Variants in LRBA observed in about 807,000 individuals in gnomAD.
LRBA encodes lipopolysaccharide-responsive and beige-like anchor protein.
Under a neutral mutation model 330.0 loss-of-function variants are expected in LRBA, and 176 were observed. That is an observed-to-expected ratio of 0.53 (90% CI 0.47 to 0.60). The LOEUF is 0.60. Among genes scored for constraint, LRBA ranks in the 20% least tolerant of loss-of-function variants. LRBA has a pLI of 0.00. For missense variants in LRBA, 3,259 were observed against 3,444.8 expected, an observed-to-expected ratio of 0.95 and a Z score of 1.35; for synonymous variants, 1,230 against 1,193.0, an observed-to-expected ratio of 1.03 and a Z score of -0.64.
intron 42 of LRBA, among the ~76,000 whole-genome samples, chr4:150,472,567 C>T (rs569236048): frequency 3.3e-5 from 5 of 152,222 alleles, no homozygotes; most frequent in South Asian, 2.1e-4. Flanking sequence ...CATCTCTTCT[C>T]GGCCTTTTGG....
intron 44 of LRBA, among the ~76,000 whole-genome samples, chr4:150,464,243 C>T (rs1755154863): frequency 6.6e-6 from 1 of 151,974 alleles, no homozygotes; most frequent in African/African-American, 2.4e-5. Flanking sequence ...ACTTCTAGGA[C>T]CCTAGAACAC....
At chr4:150,452,870 G>A (rs1486079887) in intron 44 of LRBA, among the ~76,000 whole-genome samples, 78 of 152,118 alleles carry the variant, frequency 5.1e-4, no homozygotes, top group Non-Finnish European at 5.9e-5. Context: ...TAGCAAGGAT[G>A]CAGAATACAA....
chr4:150,711,693 A>T (rs1279292375), intron 36 of LRBA, among the ~76,000 whole-genome samples: 1 of 152,236 alleles, frequency 6.6e-6, no homozygotes, highest in Admixed American at 6.5e-5. Context: ...AATAACTATT[A>T]AAAAACCCAT....
Position 150,384,164 on chromosome 4 carries a change from G to C in LRBA, c.7194+31274C>G, listed in dbSNP as rs1015002782. Among the ~76,000 whole-genome samples, 5 of 151,672 alleles carry C rather than the reference G, an allele frequency of 3.3e-5. No homozygotes were observed. The South Asian group carries it at 8.3e-4, about 25-fold the overall frequency. On this transcript the variant is annotated intron_variant, in intron 47 of 56. Transcript: ENST00000651943. ...AGCGATTCTCCTGCCTCAGTCTTCC[G>C]AGTAGCTGGGATTACAGGCATGCAC...
intron 37 of LRBA, among the ~76,000 whole-genome samples, chr4:150,614,025 T>C (rs913584927): frequency 4.0e-5 from 6 of 151,646 alleles, no homozygotes; most frequent in Admixed American, 2.6e-4. Flanking sequence ...AACAATAAGA[T>C]GACTCTCACA....
intron 2 of LRBA, among the ~76,000 whole-genome samples, chr4:150,963,238 C>A (rs1285682247): frequency 6.7e-6 from 1 of 148,654 alleles, no homozygotes; most frequent in Admixed American, 6.6e-5. Flanking sequence ...GATGCCGAGC[C>A]GAGGCTGGAC....
intron 28 of LRBA, among the ~76,000 whole-genome samples, chr4:150,837,561 C>G (rs568195508): frequency 3.2e-4 from 49 of 151,964 alleles, no homozygotes; most frequent in African/African-American, 1.1e-3. Flanking sequence ...GGCCTTGTCT[C>G]TTTTGATCTT....
intron 40 of LRBA, among the ~76,000 whole-genome samples, chr4:150,551,285 A>G (rs1265242750): frequency 6.6e-6 from 1 of 152,260 alleles, no homozygotes; most frequent in Non-Finnish European, 1.5e-5. Flanking sequence ...CTGTAATAGC[A>G]GCAGAGAATG....
chr4:150,964,415 G>A (rs1339766042), intron 2 of LRBA, among the ~76,000 whole-genome samples: 4 of 149,686 alleles, frequency 2.7e-5, no homozygotes, highest in Non-Finnish European at 4.4e-5. Context: ...AGGAGAGGTC[G>A]GATTGTTATT....
intron 46 of LRBA, among the ~76,000 whole-genome samples, chr4:150,426,026 A>G (rs1043441279): frequency 1.3e-5 from 2 of 152,074 alleles, no homozygotes; most frequent in Admixed American, 1.3e-4. Flanking sequence ...TTATAAAAAT[A>G]TAATGTGCAT....
intron 40 of LRBA, among the ~76,000 whole-genome samples, chr4:150,564,332 A>G (rs910365101): frequency 6.6e-6 from 1 of 152,236 alleles, no homozygotes; most frequent in African/African-American, 2.4e-5. Flanking sequence ...CTGGCTAGCC[A>G]TAAGTAGAAA....
intron 40 of LRBA, among the ~76,000 whole-genome samples, chr4:150,495,756 G>A (rs956521573): frequency 2.0e-5 from 3 of 152,114 alleles, no homozygotes; most frequent in African/African-American, 7.2e-5. Flanking sequence ...GGGACTTTCT[G>A]TTCACTGAAA....
chr4:150,740,745 T>C (rs1339316019), intron 35 of LRBA, among the ~76,000 whole-genome samples: 1 of 152,048 alleles, frequency 6.6e-6, no homozygotes, highest in Non-Finnish European at 1.5e-5. Context: ...AAGCTATTTA[T>C]AGATACAGTC....
At chr4:150,784,516 C>A (rs1478077148) in intron 34 of LRBA, among the ~76,000 whole-genome samples, 4 of 152,176 alleles carry the variant, frequency 2.6e-5, no homozygotes, top group Non-Finnish European at 1.5e-5. Context: ...TATTAAAAGG[C>A]TAGGGTGGGA....
chr4:150,333,219 C>A (rs2126976157), intron 48 of LRBA, among the ~76,000 whole-genome samples: 1 of 152,068 alleles, frequency 6.6e-6, no homozygotes, highest in East Asian at 1.9e-4. Flanking sequence ...TAGTAACCAA[C>A]AATAAATATT....
intron 47 of LRBA, among the ~76,000 whole-genome samples, chr4:150,352,894 T>C (rs191029383): frequency 6.6e-5 from 10 of 152,342 alleles, no homozygotes; most frequent in Middle Eastern, 6.8e-3. Context: ...TCATGTCACA[T>C]TAATGCATGA....
At position 150,844,148 on chromosome 4, in the gene LRBA, T is replaced by C. The variant is rs1246333112; in HGVS notation, c.4521A>G (p.Leu1507=). Residue 1507 remains leucine (L), a synonymous_variant, in exon 28 of 57, where the codon CTA becomes CTG. Transcript: ENST00000651943. ...TAAGCCGATTAATATCCATGTCCTG[T>C]AGAAGCCTGTCAAGATCTCTTACTG... ...ISPVRDLDRL[L]QDMDINRLRA... 6 of 1,612,082 alleles carry C rather than the reference T, an allele frequency of 3.7e-6. No homozygotes were observed. The highest frequency in any genetic ancestry group is 1.3e-5 in the African/African-American group (1 of 74,878).
intron 41 of LRBA, 90 bp downstream of exon 41, chr4:150,490,828 T>C (rs570197422): frequency 9.4e-6 from 6 of 636,574 alleles, no homozygotes; most frequent in Non-Finnish European, 1.6e-5. Context: ...CAAATAACTA[T>C]CTAAATTGAA....
At chr4:150,471,849 C>A in intron 42 of LRBA, 110 bp from the exon 43 acceptor site, 2 of 650,360 alleles carry the variant, frequency 3.1e-6, no homozygotes, top group Non-Finnish European at 5.4e-6. Context: ...AAGTTCTATT[C>A]ATGTTAGACT....
Sources: gnomAD v4.1 joint callset for allele counts (sites outside exome capture counted in the v4.1 genomes callset) on GRCh38, gnomAD v4.1.1 for gene constraint, MANE v1.5 for transcripts, NCBI Gene and HGNC (gene_info 2026-07-23, HGNC 2026-07-21) for gene names.